The following XRRA1 variants were observed in gnomAD, a reference collection of about 807,000 sequenced individuals.
XRRA1 encodes the protein X-ray radiation resistance associated 1.
A neutral mutation model predicts 80.2 loss-of-function variants in XRRA1; 69 were observed. That is an observed-to-expected ratio of 0.86 (90% confidence interval 0.71 to 1.05). The LOEUF (loss-of-function observed/expected upper bound fraction) is 1.05, where lower values mean the gene tolerates loss of function less well. XRRA1 is among the 50% of genes least tolerant of loss of function. The pLI is 0.00. For missense variants in XRRA1, 967 were observed against 976.4 expected, an observed-to-expected ratio of 0.99 and a Z score of 0.13; for synonymous variants, 348 against 389.9, an observed-to-expected ratio of 0.89 and a Z score of 1.27.
In XRRA1 at chr11:74,936,904, T is replaced by C. The variant is rs767372812; in HGVS notation, c.259A>G (p.Ile87Val). The C allele has an allele frequency of 4.3e-6, 7 of 1,613,632 alleles. No homozygotes were observed. In the Admixed American group the frequency reaches 1.0e-4, roughly 23 times the overall value. The change falls in exon 4 of 19, where the codon ATC (isoleucine) becomes GTC (valine). Residue 87 changes from isoleucine (I) to valine (V), a missense_variant. Physicochemically the swap from Ile to Val is conservative, Grantham distance 29. Transcript: ENST00000684022. ...CTCACCAGAAAAGCCTGGTCCAGGA[T>C]ATGTCCAGGAAGGTCCACCTGATTT... is the stretch of plus-strand genomic sequence containing the variant. ...RENQVDLPGH[I>V]LDQAFLLKHH...
At chr11:74,937,629 T>C (rs1358359173) in intron 3 of XRRA1, among the ~76,000 whole-genome samples, 1 of 151,694 alleles carries the variant, frequency 6.6e-6, no homozygotes, top group African/African-American at 2.4e-5. Flanking sequence ...TAATAATACA[T>C]GTCTACTGTA....
chr11:74,843,247 T>C lies in XRRA1; in HGVS notation c.2356A>G (p.Met786Val), dbSNP rs202244893. ...GTGGGCTCCTGGCAGAACTCATCCATGAACTCGAGGAAGTGGCCGAACTTG... is the reference window on the plus strand; with the variant it reads ...GTGGGCTCCTGGCAGAACTCATCCACGAACTCGAGGAAGTGGCCGAACTTG... ...QPKFGHFLEF[M>V]DEFCQEPTAS... Residue 786 changes from methionine (M) to valine (V), a missense_variant, in exon 19 of 19, where the codon ATG becomes GTG. Transcript: ENST00000684022. 96 of 1,565,830 alleles carry C rather than the reference T, an allele frequency of 6.1e-5. No individual in the cohort carries two copies. In the African/African-American group the frequency reaches 1.2e-3, roughly 19 times the overall value.
intron 2 of XRRA1, among the ~76,000 whole-genome samples, chr11:74,942,238 A>T (rs1946471707): frequency 6.6e-6 from 1 of 152,176 alleles, no homozygotes; most frequent in Admixed American, 6.5e-5. Context: ...TCTATGAAAG[A>T]GGCAGGGAAG....
intron 10 of XRRA1, among the ~76,000 whole-genome samples, chr11:74,865,812 C>T (rs1267235774): frequency 2.0e-5 from 3 of 152,224 alleles, no homozygotes; most frequent in Non-Finnish European, 4.4e-5. Flanking sequence ...ACTCAGGTCC[C>T]CTTGGCCAAC....
At chr11:74,845,412 C>G in intron 15 of XRRA1, 141 bp from the exon 16 acceptor site, 1 of 828,750 alleles carries the variant, frequency 1.2e-6, no homozygotes, top group Non-Finnish European at 1.9e-6. Flanking sequence ...TGGAAGAAAG[C>G]AGATATAAAA....
intron 10 of XRRA1, among the ~76,000 whole-genome samples, chr11:74,873,224 AC>A (rs1387953176): frequency 2.0e-5 from 3 of 152,140 alleles, no homozygotes; most frequent in Non-Finnish European, 4.4e-5. Context: ...ATTATTAATA[AC>A]CTGAAAATGC....
At chr11:74,855,468 G>A (rs2040871848) in intron 12 of XRRA1, among the ~76,000 whole-genome samples, 1 of 152,208 alleles carries the variant, frequency 6.6e-6, no homozygotes. Flanking sequence ...CAGCTGAAAG[G>A]TATGGGCTTA....
chr11:74,910,501 CA>C (rs943443082), intron 8 of XRRA1, among the ~76,000 whole-genome samples: 1 of 150,352 alleles, frequency 6.7e-6, no homozygotes, highest in African/African-American at 2.5e-5. Flanking sequence ...CTCACCCAGA[CA>C]AAAAAAATAG....
intron 10 of XRRA1, among the ~76,000 whole-genome samples, chr11:74,864,432 GTC>G (rs749521829): frequency 3.3e-5 from 5 of 152,162 alleles, no homozygotes; most frequent in East Asian, 3.9e-4. Flanking sequence ...ACAGTCAAAA[GTC>G]TCTCTGCAGG....
At chr11:74,891,333 G>T (rs1379629463) in intron 10 of XRRA1, among the ~76,000 whole-genome samples, 4 of 152,072 alleles carry the variant, frequency 2.6e-5, no homozygotes, top group Non-Finnish European at 4.4e-5. Context: ...TGCAGAAAAG[G>T]CCTTTGACAA....
intron 12 of XRRA1, among the ~76,000 whole-genome samples, chr11:74,856,898 A>G (rs1178210743): frequency 6.6e-6 from 1 of 151,346 alleles, no homozygotes; most frequent in African/African-American, 2.4e-5. Context: ...AAAACCCACT[A>G]CTCCTGTGGT....
intron 8 of XRRA1, chr11:74,919,939 T>C: frequency 3.4e-6 from 1 of 293,378 alleles, no homozygotes; most frequent in South Asian, 3.7e-5. Flanking sequence ...CAAAAATCTA[T>C]AGACAGTCAT....
chr11:74,940,450 C>T (rs1946098058), intron 3 of XRRA1, among the ~76,000 whole-genome samples: 1 of 152,078 alleles, frequency 6.6e-6, no homozygotes, highest in South Asian at 2.1e-4. Flanking sequence ...CTGGAACATT[C>T]AGGGCAAATA....
intron 10 of XRRA1, among the ~76,000 whole-genome samples, chr11:74,876,105 C>T (rs1765332386): frequency 2.6e-5 from 4 of 152,190 alleles, no homozygotes; most frequent in Admixed American, 2.6e-4. Context: ...AATAACTCCC[C>T]ACTTTAGTCT....
At chr11:74,932,044 A>T (rs1009181343) in intron 5 of XRRA1, among the ~76,000 whole-genome samples, 1 of 151,976 alleles carries the variant, frequency 6.6e-6, no homozygotes, top group Admixed American at 6.5e-5. Flanking sequence ...GTATACTAAC[A>T]TATTTATCTG....
chr11:74,844,131 A>G (rs2037315036), intron 17 of XRRA1, 37 bp downstream of exon 17: 11 of 1,585,650 alleles, frequency 6.9e-6, no homozygotes, highest in Non-Finnish European at 9.5e-6. Context: ...GGCGGTACTC[A>G]GGGGCCATTT....
chr11:74,887,132 G>C (rs1157340420), intron 10 of XRRA1, among the ~76,000 whole-genome samples: 2 of 152,124 alleles, frequency 1.3e-5, no homozygotes, highest in East Asian at 1.9e-4. Flanking sequence ...AGATAGCCTA[G>C]GAAATACACT....
intron 10 of XRRA1, among the ~76,000 whole-genome samples, chr11:74,887,238 A>T (rs1400077963): frequency 1.3e-5 from 2 of 152,226 alleles, no homozygotes; most frequent in Admixed American, 6.5e-5. Context: ...ATTAAACTAA[A>T]GGGCTTTTGC....
chr11:74,847,745 C>CT, intron 15 of XRRA1, among the ~76,000 whole-genome samples: 1 of 152,298 alleles, frequency 6.6e-6, no homozygotes, highest in African/African-American at 2.4e-5. Flanking sequence ...CGACCTGCAT[C>CT]TGATCTATGT....
Sources: gnomAD v4.1 joint callset for allele counts (sites outside exome capture counted in the v4.1 genomes callset) on GRCh38, gnomAD v4.1.1 for gene constraint, MANE v1.5 for transcripts, NCBI Gene and HGNC (gene_info 2026-07-23, HGNC 2026-07-21) for gene names.